Variants in WASHC2A observed in about 807,000 individuals in gnomAD.
WASHC2A encodes the protein WASH complex subunit FAM21A.
A neutral mutation model predicts 140.3 loss-of-function variants in WASHC2A; 82 were observed. The ratio of observed to expected loss-of-function variants is 0.58; its 90% CI spans 0.49 to 0.70. The LOEUF is 0.70. Among genes scored for constraint, WASHC2A ranks in the 30% least tolerant of loss-of-function variants. The pLI is 0.00. For missense variants in WASHC2A, 985 were observed against 1,521.8 expected (o/e 0.65, Z 5.87); for synonymous variants, 340 against 560.8 (o/e 0.61, Z 5.56).
chr10:50,069,947 T>G (rs370175726), intron 3 of WASHC2A, among the ~76,000 whole-genome samples: 27 of 152,342 alleles, frequency 1.8e-4, no homozygotes, highest in African/African-American at 6.0e-4. Flanking sequence ...GCTTCCATCT[T>G]TTGTCGTTTT....
At chr10:50,100,220 T>C (rs1273786822) in intron 17 of WASHC2A, among the ~76,000 whole-genome samples, 156 bp downstream of exon 17, 4 of 152,088 alleles carry the variant, frequency 2.6e-5, no homozygotes, top group South Asian at 4.1e-4. Flanking sequence ...TAGTGGTTCA[T>C]GCCTGTAATC....
At chr10:50,076,588 A>G (rs1209749132) in intron 3 of WASHC2A, among the ~76,000 whole-genome samples, 20 of 151,546 alleles carry the variant, frequency 1.3e-4, no homozygotes, top group Admixed American at 6.6e-4. Flanking sequence ...GGAATTCTAC[A>G]CATTTGTGCA....
intron 3 of WASHC2A, among the ~76,000 whole-genome samples, chr10:50,073,131 C>A (rs1470502687): frequency 6.6e-6 from 1 of 152,112 alleles, no homozygotes; most frequent in East Asian, 1.9e-4. Context: ...GAAGGCAACA[C>A]AATTCTAAAG....
chr10:50,099,045 C>G (rs1554885595), intron 16 of WASHC2A, among the ~76,000 whole-genome samples: 1 of 152,014 alleles, frequency 6.6e-6, no homozygotes, highest in African/African-American at 2.4e-5. Flanking sequence ...TCTCTCCCAG[C>G]CTTTTACTCA....
chr10:50,084,699 G>A (rs1839231672), intron 6 of WASHC2A, among the ~76,000 whole-genome samples: 3 of 148,774 alleles, frequency 2.0e-5, no homozygotes, highest in Admixed American at 1.3e-4. Flanking sequence ...AAAGTGCTGG[G>A]ATTACAAGCA....
intron 3 of WASHC2A, among the ~76,000 whole-genome samples, chr10:50,076,847 G>A (rs1449352922): frequency 5.3e-5 from 8 of 151,022 alleles, no homozygotes; most frequent in Non-Finnish European, 1.2e-4. Context: ...GCCGGGCATG[G>A]TGGCTCACAC....
chr10:50,109,869 A>T (rs1342450545), intron 19 of WASHC2A, among the ~76,000 whole-genome samples: 1 of 151,800 alleles, frequency 6.6e-6, no homozygotes. Flanking sequence ...TCCTGGGTTC[A>T]CTCCATTCTC....
In WASHC2A at chr10:50,067,955, G is replaced by T. The variant is rs1554874402; in HGVS notation, c.-51G>T. ...GGGGCTAGGCTTCCGGGGCTCTGCA[G>T]TCCTCGGCGTGTGCTGGCAGCTTCG... is the stretch of plus-strand genomic sequence containing the variant. On this transcript the variant is annotated 5_prime_UTR_variant, in exon 1 of 31. Coordinates refer to ENST00000282633, the MANE Select transcript of WASHC2A (RefSeq NM_001005751.3). 1 of 1,590,402 alleles carries T rather than the reference G, an allele frequency of 6.3e-7. No individual in the cohort carries two copies. The highest frequency in any genetic ancestry group is 1.8e-5 in the Admixed American group (1 of 56,044).
Position 50,126,339 on chromosome 10 carries a change from C to T in WASHC2A, c.2811+160C>T, listed in dbSNP as rs1331629017. ...TCACTGCACTCCCCCCAAGTCATCT[C>T]CCCTCTCCTCGCTCCACACGCCAGA... is the stretch of plus-strand genomic sequence containing the variant. On this transcript the variant is annotated intron_variant, in intron 26 of 30. Transcript: ENST00000282633. 2.3e-5 allele frequency: 30 copies of T among 1,287,212 alleles called. No homozygotes were observed. In the Middle Eastern group the frequency reaches 8.4e-4, roughly 36 times the overall value. 79.7% of individuals were successfully genotyped at this position (1,287,212 alleles called of 1,614,324 possible).
chr10:50,120,266 G>T (rs1249826912), intron 23 of WASHC2A, among the ~76,000 whole-genome samples: 6 of 146,436 alleles, frequency 4.1e-5, no homozygotes, highest in African/African-American at 1.6e-4. Flanking sequence ...CATGAAAACA[G>T]CCCTAGGAAA....
At chr10:50,111,383 AT>A (rs1233726681) in intron 20 of WASHC2A, among the ~76,000 whole-genome samples, 1 of 151,722 alleles carries the variant, frequency 6.6e-6, no homozygotes, top group Non-Finnish European at 1.5e-5. Flanking sequence ...TTGGTCTCTG[AT>A]TTAGAATATA....
At chr10:50,117,664 T>C (rs1554892315) in intron 21 of WASHC2A, among the ~76,000 whole-genome samples, 1 of 140,296 alleles carries the variant, frequency 7.1e-6, no homozygotes, top group East Asian at 2.0e-4. Flanking sequence ...GCATGGGGGT[T>C]GACAGACACA....
At chr10:50,127,916 C>T in intron 28 of WASHC2A, 121 bp downstream of exon 28, 1 of 1,534,750 alleles carries the variant, frequency 6.5e-7, no homozygotes, top group Non-Finnish European at 8.9e-7. Flanking sequence ...GGAGGTGCCT[C>T]ATCCTTCCTT....
chr10:50,090,519 T>A (rs202174180), intron 8 of WASHC2A, among the ~76,000 whole-genome samples: 25,460 of 104,836 alleles, frequency 0.24, 3,136 homozygotes, highest in Non-Finnish European at 0.36. Context: ...AAAAAAAATA[T>A]ATATATATAT....
chr10:50,106,635 T>C (rs1324724308), intron 19 of WASHC2A, among the ~76,000 whole-genome samples, 170 bp downstream of exon 19: 1 of 149,908 alleles, frequency 6.7e-6, no homozygotes, highest in South Asian at 2.2e-4. Flanking sequence ...AATATATTAA[T>C]TTAAAGATGA....
At position 50,130,998 on chromosome 10, in the gene WASHC2A, T is replaced by G; in HGVS notation, c.3806T>G (p.Ile1269Ser). ...AATTTATTTGATGATAACATTGATA[T>G]CTTTGCTGACTTAACTGTAAAACCA... The part of the protein sequence containing the change: ...ESNLFDDNID[I>S]FADLTVKPKE... Residue 1269 changes from isoleucine (I) to serine (S), a missense_variant, in exon 30 of 31, where the codon ATC becomes AGC. Transcript: ENST00000282633. The G allele has an allele frequency of 6.2e-7, 1 of 1,610,538 alleles. No homozygotes were observed. Among genetic ancestry groups the G allele is most frequent in the Non-Finnish European group, 8.5e-7 (1 of 1,178,926 alleles).
At chr10:50,125,698 A>G (rs1843365022) in intron 25 of WASHC2A, among the ~76,000 whole-genome samples, 1 of 152,230 alleles carries the variant, frequency 6.6e-6, no homozygotes, top group African/African-American at 2.4e-5. Context: ...TGTACTGCAC[A>G]TCTGTGTGAT....
At position 50,069,613 on chromosome 10, in the gene WASHC2A, G is replaced by A. The variant is rs782131000; in HGVS notation, c.193G>A (p.Val65Met). The change falls in exon 3 of 31, where the codon GTG becomes ATG. Residue 65 changes from valine to methionine, a missense_variant. Transcript: ENST00000282633. ...TAGGACCCATGAAATCAAGAAACAA[G>A]TGGACGGACTAATTCGGGAAACCAA... The part of the protein sequence containing the change: ...ISRTHEIKKQ[V>M]DGLIRETKAT... 3 of 1,613,928 alleles carry A rather than the reference G, an allele frequency of 1.9e-6. No homozygotes were observed. The highest frequency in any genetic ancestry group is 1.7e-6 in the Non-Finnish European group (2 of 1,179,854).
At chr10:50,131,247 T>A (rs2133129098) in intron 30 of WASHC2A, 169 bp downstream of exon 30, 2 of 717,474 alleles carry the variant, frequency 2.8e-6, no homozygotes, top group East Asian at 5.4e-5. Flanking sequence ...CTAATTATTT[T>A]AGTGAAGTAA....
Sources: allele counts gnomAD v4.1 joint callset (sites outside exome capture counted in the v4.1 genomes callset), GRCh38; gene constraint gnomAD v4.1.1; transcripts MANE v1.5; gene names NCBI Gene and HGNC (gene_info 2026-07-23, HGNC 2026-07-21).